THSD7B: variants seen among roughly 807,000 people sequenced by gnomAD.
THSD7B encodes thrombospondin type-1 domain-containing protein 7B.
In THSD7B, 138 loss-of-function variants were observed where a neutral mutation model predicts 213.6. The ratio of observed to expected loss-of-function variants is 0.65; its 90% CI spans 0.56 to 0.74. The LOEUF (loss-of-function observed/expected upper bound fraction) is 0.74. Ranked by LOEUF, THSD7B falls within the 30% of genes least tolerant of loss-of-function variation. The pLI, the probability that THSD7B is intolerant of heterozygous loss-of-function variation, is 0.00. For missense variants in THSD7B, 1,931 were observed against 1,991.5 expected, an observed-to-expected ratio of 0.97 and a Z score of 0.58; for synonymous variants, 742 against 687.0, an observed-to-expected ratio of 1.08 and a Z score of -1.25.
intron 2 of THSD7B, among the ~76,000 whole-genome samples, chr2:137,021,100 A>T (rs13420064): frequency 0.071 from 10,806 of 152,180 alleles, 416 homozygotes; most frequent in East Asian, 0.15. Flanking sequence ...GTGTATTTCT[A>T]TGTAGGAAGT....
At chr2:136,993,744 A>G (rs1685829618) in intron 2 of THSD7B, among the ~76,000 whole-genome samples, 1 of 152,242 alleles carries the variant, frequency 6.6e-6, no homozygotes, top group Non-Finnish European at 1.5e-5. Flanking sequence ...CAGCTACAAC[A>G]TACAGGTCAA....
At chr2:137,265,310 A>G (rs1016532025) in intron 10 of THSD7B, among the ~76,000 whole-genome samples, 6 of 152,162 alleles carry the variant, frequency 3.9e-5, no homozygotes, top group African/African-American at 1.4e-4. Flanking sequence ...AAAGTCAGGA[A>G]ACAACAGGTG....
At chr2:137,587,554 A>T (rs1019789858) in intron 17 of THSD7B, among the ~76,000 whole-genome samples, 2 of 152,202 alleles carry the variant, frequency 1.3e-5, no homozygotes, top group Non-Finnish European at 2.9e-5. Context: ...TCCTTCTAAC[A>T]TTCAGGATCC....
intron 1 of THSD7B, among the ~76,000 whole-genome samples, chr2:136,795,532 A>T (rs1682045393): frequency 6.6e-6 from 1 of 152,004 alleles, no homozygotes; most frequent in African/African-American, 2.4e-5. Context: ...GACGACATGG[A>T]CATCTTTGTG....
intron 12 of THSD7B, among the ~76,000 whole-genome samples, chr2:137,387,851 G>A (rs1282365368): frequency 1.3e-5 from 2 of 152,002 alleles, no homozygotes; most frequent in Non-Finnish European, 2.9e-5. Context: ...TCTATGCCAG[G>A]TTTCCCATTG....
intron 2 of THSD7B, among the ~76,000 whole-genome samples, chr2:137,043,043 C>A (rs1395977882): frequency 6.6e-6 from 1 of 152,106 alleles, no homozygotes; most frequent in Non-Finnish European, 1.5e-5. Flanking sequence ...GTTTGCATGT[C>A]CCATGGGTCT....
chr2:136,818,240 C>T (rs1289206400), intron 1 of THSD7B, among the ~76,000 whole-genome samples: 1 of 144,926 alleles, frequency 6.9e-6, no homozygotes, highest in East Asian at 2.0e-4. Flanking sequence ...AGTTCATGTC[C>T]TTTGTAGGGA....
chr2:136,785,943 T>C (rs1681836998), intron 1 of THSD7B, among the ~76,000 whole-genome samples: 1 of 152,110 alleles, frequency 6.6e-6, no homozygotes, highest in African/African-American at 2.4e-5. Flanking sequence ...AAATGAGTTC[T>C]TTTCCCTCCA....
At chr2:137,613,583 C>T (rs1190354649) in intron 17 of THSD7B, among the ~76,000 whole-genome samples, 1 of 152,258 alleles carries the variant, frequency 6.6e-6, no homozygotes, top group Middle Eastern at 3.4e-3. Flanking sequence ...AGCAAATAAA[C>T]ATTAGCTATA....
At chr2:136,887,300 T>TTGTGTGTGTGTGTGTGTGTGTGTGTG (rs3084772) in intron 2 of THSD7B, among the ~76,000 whole-genome samples, 1 of 148,462 alleles carries the variant, frequency 6.7e-6, no homozygotes, top group African/African-American at 2.5e-5. Context: ...TCCATATTTG[T>TTGTGTGTGTGTGTGTGTGTGTGTGTG]TGTGTGTGTG....
chr2:137,450,187 A>G (rs1450558087), intron 14 of THSD7B, among the ~76,000 whole-genome samples: 1 of 152,208 alleles, frequency 6.6e-6, no homozygotes, highest in Non-Finnish European at 1.5e-5. Context: ...TAGTTAAAAC[A>G]GTGAGATTAT....
At chr2:137,404,468 T>TACACACACAC (rs1433746813) in intron 12 of THSD7B, among the ~76,000 whole-genome samples, 12 of 73,114 alleles carry the variant, frequency 1.6e-4, no homozygotes, top group Non-Finnish European at 1.8e-4. Flanking sequence ...TATATATATA[T>TACACACACAC]ATATATACAC....
chr2:136,817,681 G>A (rs1682498069), intron 1 of THSD7B, among the ~76,000 whole-genome samples: 2 of 151,890 alleles, frequency 1.3e-5, no homozygotes, highest in African/African-American at 2.4e-5. Context: ...GTAGATATGC[G>A]GCTCAAACAA....
intron 20 of THSD7B, among the ~76,000 whole-genome samples, chr2:137,622,037 C>T (rs1238113324): frequency 5.9e-5 from 9 of 152,254 alleles, no homozygotes; most frequent in South Asian, 4.2e-4. Context: ...AGAACTCACT[C>T]GCCCCCAGGG....
intron 4 of THSD7B, among the ~76,000 whole-genome samples, chr2:137,101,343 C>T (rs999429045): frequency 1.3e-5 from 2 of 152,130 alleles, no homozygotes; most frequent in African/African-American, 4.8e-5. Flanking sequence ...TGCCGGCCTT[C>T]CATTGATTTT....
chr2:137,554,648 A>G (rs948085328), intron 15 of THSD7B, among the ~76,000 whole-genome samples: 11 of 152,236 alleles, frequency 7.2e-5, no homozygotes, highest in African/African-American at 2.6e-4. Flanking sequence ...TGATTTCTGC[A>G]TTTCCAACTG....
intron 2 of THSD7B, among the ~76,000 whole-genome samples, chr2:136,929,067 A>G (rs1203011326): frequency 6.6e-6 from 1 of 152,112 alleles, no homozygotes; most frequent in Non-Finnish European, 1.5e-5. Flanking sequence ...AACATGAAAA[A>G]CGTAACAGAT....
intron 2 of THSD7B, among the ~76,000 whole-genome samples, chr2:137,011,039 A>C (rs909825115): frequency 2.0e-5 from 3 of 152,094 alleles, no homozygotes; most frequent in African/African-American, 7.2e-5. Flanking sequence ...CATTAGTAGA[A>C]CTTGTTCTTT....
At chr2:137,366,413 A>G (rs1185341154) in intron 12 of THSD7B, among the ~76,000 whole-genome samples, 1 of 152,048 alleles carries the variant, frequency 6.6e-6, no homozygotes, top group Admixed American at 6.6e-5. Context: ...AAGAATTTTA[A>G]GCCTCAGTTT....
Sources: gnomAD v4.1 joint callset for allele counts (sites outside exome capture counted in the v4.1 genomes callset) on GRCh38, gnomAD v4.1.1 for gene constraint, MANE v1.5 for transcripts, NCBI Gene and HGNC (gene_info 2026-07-23, HGNC 2026-07-21) for gene names.